Variants in CC2D2A observed in about 807,000 individuals in gnomAD.
CC2D2A encodes the protein coiled-coil and C2 domain-containing protein 2A.
A neutral mutation model predicts 212.9 loss-of-function variants in CC2D2A; 155 were observed. The ratio of observed to expected loss-of-function variants is 0.73; its 90% CI spans 0.64 to 0.83. The LOEUF is 0.83. Among genes scored for constraint, CC2D2A ranks in the 40% least tolerant of loss-of-function variants. CC2D2A has a pLI of 0.00. For synonymous variants in CC2D2A, 667 were observed against 686.5 expected, an observed-to-expected ratio of 0.97 and a Z score of 0.44; for missense variants, 1,856 against 1,956.2, an observed-to-expected ratio of 0.95 and a Z score of 0.97.
At position 15,601,311 on chromosome 4, in the gene CC2D2A, A is replaced by C; in HGVS notation, c.4749A>C (p.Val1583=). 1 of 1,611,468 alleles carries C rather than the reference A, an allele frequency of 6.2e-7. No homozygotes were observed. Residue 1583 remains valine, a synonymous_variant, in exon 37 of 37, where the codon GTA becomes GTC. Coordinates refer to ENST00000424120, the MANE Select transcript of CC2D2A (RefSeq NM_001378615.1). Reference sequence around the variant, plus strand: ...TTGACGCTGTGTATAGTACTGGAGTACATAATATTGATGTTCCTAATGTTG... The same window carrying C: ...TTGACGCTGTGTATAGTACTGGAGTCCATAATATTGATGTTCCTAATGTTG... ...PLIDAVYSTG[V]HNIDVPNVEF...
intron 4 of CC2D2A, among the ~76,000 whole-genome samples, chr4:15,499,595 TTAAAGAATAA>T (rs1483740248): frequency 2.0e-5 from 3 of 152,212 alleles, no homozygotes; most frequent in Middle Eastern, 6.3e-3. Flanking sequence ...TGTCTCTCTT[TTAAAGAATAA>T]TTCATAAAAT....
In CC2D2A at chr4:15,473,950, G is replaced by C. The variant is rs377282664; in HGVS notation, c.-18-1965G>C. ...AGTAAAAGCAAAGAACTTTATTTGA[G>C]GTATGTAAAGCCAAGTGAAGGTGTC... is the stretch of plus-strand genomic sequence containing the variant. On this transcript the variant is annotated intron_variant, in intron 1 of 36. Transcript: ENST00000424120. Among the ~76,000 whole-genome samples, 16 of 152,280 alleles carry C rather than the reference G, an allele frequency of 1.1e-4. No individual in the cohort carries two copies. The East Asian group carries it at 2.3e-3, about 22-fold the overall frequency.
chr4:15,590,333 G>A (rs987416941), intron 33 of CC2D2A, among the ~76,000 whole-genome samples: 2 of 152,190 alleles, frequency 1.3e-5, no homozygotes, highest in East Asian at 3.8e-4. Flanking sequence ...TGGCCAACAT[G>A]GCGAAACCCC....
chr4:15,500,135 A>AT (rs1172370047), intron 4 of CC2D2A, among the ~76,000 whole-genome samples: 2 of 138,940 alleles, frequency 1.4e-5, no homozygotes, highest in Non-Finnish European at 3.1e-5. Context: ...ATATATATGT[A>AT]TTTTTTAAAT....
At chr4:15,545,127 T>C (rs1294227571) in intron 17 of CC2D2A, among the ~76,000 whole-genome samples, 2 of 152,198 alleles carry the variant, frequency 1.3e-5, no homozygotes, top group Non-Finnish European at 2.9e-5. Context: ...TCTCTAGTCA[T>C]AGTAAGTACT....
rs6850488 is a variant in CC2D2A at position 15,601,068 on chromosome 4, A to C, written c.4675-169A>C. On this transcript the variant is annotated intron_variant, in intron 36 of 36. Coordinates refer to ENST00000424120, the MANE Select transcript of CC2D2A (RefSeq NM_001378615.1). ...CCTATATGCAAGGAAAACAAAATGG[A>C]TATTAAGCAGCTCTCGATTTTCTGT... Among the ~76,000 whole-genome samples, 1,487 of 152,316 alleles carry C rather than the reference A, an allele frequency of 9.8e-3. 22 individuals carry two copies. Among genetic ancestry groups the C allele is most frequent in the African/African-American group, 0.033 (1,357 of 41,564 alleles).
intron 4 of CC2D2A, among the ~76,000 whole-genome samples, chr4:15,499,586 GTCTC>G (rs539011781): frequency 2.7e-4 from 41 of 151,978 alleles, no homozygotes; most frequent in South Asian, 8.3e-4. Flanking sequence ...AAAATATCTT[GTCTC>G]TCTTTTAAAG....
At chr4:15,593,487 T>C (rs1721195884) in intron 33 of CC2D2A, among the ~76,000 whole-genome samples, 1 of 152,190 alleles carries the variant, frequency 6.6e-6, no homozygotes, top group African/African-American at 2.4e-5. Flanking sequence ...GATTCCCAAG[T>C]TTATATCTCC....
chr4:15,515,905 C>A lies in CC2D2A; in HGVS notation c.918C>A (p.Pro306=), dbSNP rs1716840860. Residue 306 remains proline (P), a synonymous_variant, in exon 10 of 37, where the codon CCC becomes CCA. Transcript: ENST00000424120. ...AAAAGCTTCCTGAGAATGTACAGCC[C>A]AGGTTCCTGGAAGATGAAGGCCTTT... ...TYKKLPENVQ[P]RFLEDEGLYT... The A allele has an allele frequency of 6.4e-7, 1 of 1,554,514 alleles. No individual in the cohort carries two copies. Among genetic ancestry groups the A allele is most frequent in the African/African-American group, 1.4e-5 (1 of 73,134 alleles).
At chr4:15,513,984 G>A (rs1369083244) in intron 8 of CC2D2A, among the ~76,000 whole-genome samples, 1 of 152,076 alleles carries the variant, frequency 6.6e-6, no homozygotes, top group East Asian at 1.9e-4. Flanking sequence ...ATGGACACCA[G>A]GTTTAAATTT....
At chr4:15,544,328 T>G (rs190028911) in intron 17 of CC2D2A, among the ~76,000 whole-genome samples, 2 of 152,080 alleles carry the variant, frequency 1.3e-5, no homozygotes, top group East Asian at 3.9e-4. Context: ...AGTGAAGAGG[T>G]CAGTATTCAG....
At chr4:15,597,092 A>G (rs912747726) in intron 34 of CC2D2A, among the ~76,000 whole-genome samples, 1 of 152,180 alleles carries the variant, frequency 6.6e-6, no homozygotes, top group African/African-American at 2.4e-5. Flanking sequence ...ATTTTTTTTC[A>G]TAGCCAAATC....
chr4:15,556,260 G>A (rs1266618791), intron 20 of CC2D2A, among the ~76,000 whole-genome samples: 3 of 152,186 alleles, frequency 2.0e-5, no homozygotes, highest in Non-Finnish European at 4.4e-5. Flanking sequence ...ATGGCTATCA[G>A]TATGTGTTTA....
At chr4:15,599,505 A>T in intron 35 of CC2D2A, 24 bp from the exon 36 acceptor site, 1 of 1,476,258 alleles carries the variant, frequency 6.8e-7, no homozygotes, top group Non-Finnish European at 9.1e-7. Flanking sequence ...TCACCAAAAA[A>T]TGGAATTTAT....
intron 11 of CC2D2A, chr4:15,519,765 C>T: frequency 2.5e-6 from 1 of 392,698 alleles, no homozygotes; most frequent in Non-Finnish European, 5.1e-6. Context: ...ATTCATTCAC[C>T]ATCATAAGAA....
At chr4:15,487,180 G>A (rs1284132759) in intron 4 of CC2D2A, among the ~76,000 whole-genome samples, 2 of 152,052 alleles carry the variant, frequency 1.3e-5, no homozygotes, top group African/African-American at 4.8e-5. Flanking sequence ...TGCAGATTAA[G>A]TCCAATATTA....
intron 36 of CC2D2A, among the ~76,000 whole-genome samples, chr4:15,600,207 G>C (rs1418618643): frequency 6.6e-6 from 1 of 152,156 alleles, no homozygotes; most frequent in African/African-American, 2.4e-5. Flanking sequence ...ACAGTGTGAA[G>C]GTCAAATTAG....
chr4:15,521,773 A>G (rs1447975823), intron 11 of CC2D2A, among the ~76,000 whole-genome samples: 1 of 152,252 alleles, frequency 6.6e-6, no homozygotes, highest in African/African-American at 2.4e-5. Context: ...GCGTGTATTA[A>G]AAGAAATTCC....
intron 13 of CC2D2A, among the ~76,000 whole-genome samples, chr4:15,530,137 A>G (rs968007852): frequency 4.0e-5 from 6 of 151,870 alleles, no homozygotes; most frequent in Non-Finnish European, 8.8e-5. Flanking sequence ...ACGCCAGGCT[A>G]ATTTTTTGTA....
Sources: allele counts gnomAD v4.1 joint callset (sites outside exome capture counted in the v4.1 genomes callset), GRCh38; gene constraint gnomAD v4.1.1; transcripts MANE v1.5; gene names NCBI Gene and HGNC (gene_info 2026-07-23, HGNC 2026-07-21).